Variants in EDA observed in about 807,000 individuals in gnomAD.
EDA encodes the protein ectodysplasin A.
EDA carries 2 observed loss-of-function variants against 23.6 expected under a neutral mutation model. The observed-to-expected ratio is 0.08, with a 90% confidence interval of 0.03 to 0.27. EDA has a LOEUF of 0.27. Among genes scored for constraint, EDA ranks in the 10% least tolerant of loss-of-function variants. The pLI is 1.00. For synonymous variants in EDA, 131 were observed against 132.0 expected, an observed-to-expected ratio of 0.99 and a Z score of 0.05; for missense variants, 229 against 324.2, an observed-to-expected ratio of 0.71 and a Z score of 2.26.
intron 1 of EDA, among the ~76,000 whole-genome samples, chrX:69,682,519 C>G (rs112306843): frequency 0.017 from 1,947 of 112,140 alleles, 26 homozygotes; most frequent in Non-Finnish European, 0.026. Flanking sequence ...GATATAATCT[C>G]CTCGTGCGCC....
chrX:69,888,038 T>A (rs1473819651), intron 1 of EDA, among the ~76,000 whole-genome samples: 1 of 111,926 alleles, frequency 8.9e-6, no homozygotes. Context: ...TTTGATAATG[T>A]AATAGTGGTA....
rs1363017228 is a variant in EDA at position 69,748,223 on chromosome X, T to C, written c.396+131519T>C. Among the ~76,000 whole-genome samples the C allele has an allele frequency of 2.7e-5, 3 of 111,143 alleles. No homozygotes were observed. In the Admixed American group the frequency reaches 2.9e-4, roughly 11 times the overall value. The stretch of plus-strand genomic sequence containing the variant: ...GGGTTGAGGTTCTTGTTGCCTTTGT[T>C]GTGATCAGGTACCTCAATTTTAATC... On this transcript the variant is annotated intron_variant, in intron 1 of 7. Transcript: ENST00000374552.
intron 1 of EDA, among the ~76,000 whole-genome samples, chrX:69,810,758 A>AG (rs1220144446): frequency 1.5e-5 from 1 of 67,371 alleles, no homozygotes; most frequent in African/African-American, 6.4e-5. Context: ...CTCCATCTCA[A>AG]AAAAAAAAAA....
At chrX:69,696,831 A>G (rs766495138) in intron 1 of EDA, among the ~76,000 whole-genome samples, 5 of 112,581 alleles carry the variant, frequency 4.4e-5, no homozygotes, top group Non-Finnish European at 7.5e-5. Context: ...CTGTTTGAAA[A>G]CAAGATGCCA....
At chrX:69,897,541 C>G (rs766011485) in intron 1 of EDA, among the ~76,000 whole-genome samples, 1 of 112,131 alleles carries the variant, frequency 8.9e-6, no homozygotes, top group African/African-American at 3.2e-5. Context: ...GAAACTATTT[C>G]TTTTCAATAG....
At chrX:69,941,556 G>A (rs745576056) in intron 1 of EDA, among the ~76,000 whole-genome samples, 1 of 111,033 alleles carries the variant, frequency 9.0e-6, no homozygotes, top group East Asian at 2.8e-4. Flanking sequence ...TATAGCTTTT[G>A]TCTTGAAATA....
At position 70,037,058 on chromosome X, in the gene EDA, G is replaced by A. The variant is rs1382640834; in HGVS notation, c.*1449G>A. Reference sequence around the variant, plus strand: ...ACAGATCATATGGTAGGACCCTCGAGAGCCTTACTTCAAAGTGCCTGGGCT... The same window carrying A: ...ACAGATCATATGGTAGGACCCTCGAAAGCCTTACTTCAAAGTGCCTGGGCT... On this transcript the variant is annotated 3_prime_UTR_variant, in exon 8 of 8. Coordinates refer to ENST00000374552, the MANE Select transcript of EDA (RefSeq NM_001399.5). 1 of 112,086 alleles carries A rather than the reference G, an allele frequency of 8.9e-6. No homozygotes were observed. The highest frequency in any genetic ancestry group is 1.9e-5 in the Non-Finnish European group (1 of 53,205). 9.2% of individuals were successfully genotyped at this position (112,086 alleles called of 1,213,427 possible).
intron 1 of EDA, among the ~76,000 whole-genome samples, chrX:69,896,398 AGT>A (rs373119823): frequency 0.22 from 21,136 of 96,700 alleles, 1,961 homozygotes; most frequent in African/African-American, 0.27. Context: ...TATGTGCATC[AGT>A]GTGTGTGTGT....
intron 1 of EDA, among the ~76,000 whole-genome samples, chrX:69,876,398 TAAGAATAAAATAA>T (rs1393741575): frequency 1.4e-4 from 15 of 106,643 alleles, no homozygotes; most frequent in African/African-American, 3.7e-4. Flanking sequence ...GAATAAAATA[TAAGAATAAAATAA>T]AAGAATAAAA....
At chrX:69,670,239 T>C in intron 1 of EDA, 1 of 418,449 alleles carries the variant, frequency 2.4e-6, no homozygotes, top group Non-Finnish European at 4.2e-6. Context: ...CATTCTCTTA[T>C]GGCCTACAAG....
intron 1 of EDA, among the ~76,000 whole-genome samples, chrX:69,833,685 G>A (rs1415585892): frequency 9.0e-6 from 1 of 110,765 alleles, no homozygotes; most frequent in Admixed American, 9.6e-5. Flanking sequence ...GAATGTTTTT[G>A]GTTGGTAGGC....
At chrX:69,736,697 A>C (rs976868418) in intron 1 of EDA, among the ~76,000 whole-genome samples, 27 of 108,984 alleles carry the variant, frequency 2.5e-4, no homozygotes, top group African/African-American at 8.4e-4. Context: ...GTTGCCAGTT[A>C]ATTGATTTTT....
chrX:70,033,334 T>C, intron 6 of EDA, 64 bp from the exon 7 acceptor site: 1 of 1,202,550 alleles, frequency 8.3e-7, no homozygotes. Context: ...CTCCTTGGTA[T>C]TTATTTTCTG....
At chrX:69,752,792 G>A (rs1312198968) in intron 1 of EDA, among the ~76,000 whole-genome samples, 1 of 111,533 alleles carries the variant, frequency 9.0e-6, no homozygotes, top group Admixed American at 9.5e-5. Flanking sequence ...ACTTCTTCCT[G>A]GTTTAGTCTT....
intron 1 of EDA, among the ~76,000 whole-genome samples, chrX:69,844,429 AT>A (rs759021157): frequency 1.1e-3 from 129 of 112,849 alleles, no homozygotes; most frequent in Non-Finnish European, 2.1e-3. Context: ...AGCTGTTTGA[AT>A]TTTTGATGAA....
chrX:69,828,502 G>T (rs1019115527), intron 1 of EDA, among the ~76,000 whole-genome samples: 1 of 111,863 alleles, frequency 8.9e-6, no homozygotes, highest in African/African-American at 3.3e-5. Flanking sequence ...ACTAGGAAAG[G>T]GAACTCCCTG....
chrX:69,785,975 G>C (rs1261493930), intron 1 of EDA, among the ~76,000 whole-genome samples: 1 of 111,013 alleles, frequency 9.0e-6, no homozygotes, highest in Non-Finnish European at 1.9e-5. Flanking sequence ...TTCAGCTCCT[G>C]TTATTGGTCT....
intron 1 of EDA, among the ~76,000 whole-genome samples, chrX:69,748,871 A>T (rs2013710629): frequency 8.9e-6 from 1 of 112,231 alleles, no homozygotes; most frequent in Non-Finnish European, 1.9e-5. Flanking sequence ...GTTAAATAAG[A>T]TAAAATGAAT....
intron 1 of EDA, among the ~76,000 whole-genome samples, chrX:69,728,853 C>T (rs1262217686): frequency 9.0e-6 from 1 of 111,062 alleles, no homozygotes; most frequent in Non-Finnish European, 1.9e-5. Context: ...CAGGTTTCCC[C>T]CATAAATAAT....
Sources: allele counts gnomAD v4.1 joint callset (sites outside exome capture counted in the v4.1 genomes callset), GRCh38; gene constraint gnomAD v4.1.1; transcripts MANE v1.5; gene names NCBI Gene and HGNC (gene_info 2026-07-23, HGNC 2026-07-21).